TNS3: variants seen among roughly 807,000 people sequenced by gnomAD.
The protein encoded by TNS3 is tensin-3.
A neutral mutation model predicts 140.9 loss-of-function variants in TNS3; 45 were observed. That is an observed-to-expected ratio of 0.32 (90% CI 0.25 to 0.41). TNS3 has a LOEUF of 0.41. Ranked by LOEUF, TNS3 falls within the 10% of genes least tolerant of loss-of-function variation. The probability of loss-of-function intolerance (pLI) is 1.00; values close to 1 mark genes in which losing one functional copy is unlikely to be tolerated. For synonymous variants in TNS3, 815 were observed against 788.4 expected (o/e 1.03, Z -0.56); for missense variants, 1,716 against 1,906.7 (o/e 0.90, Z 1.86).
At chr7:47,281,638 A>C (rs1351260560) in intron 28 of TNS3, among the ~76,000 whole-genome samples, 1 of 152,190 alleles carries the variant, frequency 6.6e-6, no homozygotes, top group Non-Finnish European at 1.5e-5. Context: ...TCTGAACTCA[A>C]ACGCTATCTC....
At chr7:47,442,431 A>C (rs1407495171) in intron 4 of TNS3, among the ~76,000 whole-genome samples, 3 of 152,212 alleles carry the variant, frequency 2.0e-5, no homozygotes. Flanking sequence ...GAAAGAACCA[A>C]TTAATGAGTG....
At chr7:47,521,327 C>T (rs903805026) in intron 2 of TNS3, among the ~76,000 whole-genome samples, 2 of 152,204 alleles carry the variant, frequency 1.3e-5, no homozygotes, top group African/African-American at 4.8e-5. Context: ...CCGAGCCCTT[C>T]GAAGCCTTGG....
chr7:47,515,765 C>T (rs868303765), intron 2 of TNS3, among the ~76,000 whole-genome samples: 11 of 152,202 alleles, frequency 7.2e-5, no homozygotes, highest in African/African-American at 1.4e-4. Flanking sequence ...ACATCATTAT[C>T]GGCATACCAT....
At chr7:47,435,225 C>T (rs1795119387) in intron 8 of TNS3, 57 bp downstream of exon 8, 1 of 1,605,278 alleles carries the variant, frequency 6.2e-7, no homozygotes, top group South Asian at 1.1e-5. Flanking sequence ...GTCTCCATCT[C>T]AACTCCAAAG....
chr7:47,339,942 G>A (rs1428313219), intron 20 of TNS3, among the ~76,000 whole-genome samples: 1 of 121,174 alleles, frequency 8.3e-6, no homozygotes, highest in Non-Finnish European at 1.7e-5. Flanking sequence ...ATTTTTTTGA[G>A]CTATTATAAG....
chr7:47,439,405 C>G, intron 6 of TNS3, 82 bp downstream of exon 6: 1 of 1,478,848 alleles, frequency 6.8e-7, no homozygotes, highest in Non-Finnish European at 9.2e-7. Flanking sequence ...CATGTGTAAA[C>G]CAGTGTTCTG....
At chr7:47,329,861 C>T (rs1225282464) in intron 20 of TNS3, among the ~76,000 whole-genome samples, 1 of 152,080 alleles carries the variant, frequency 6.6e-6, no homozygotes, top group South Asian at 2.1e-4. Context: ...TGACTCGGAG[C>T]AAACCCACAG....
At chr7:47,416,113 G>A (rs1794068438) in intron 10 of TNS3, among the ~76,000 whole-genome samples, 1 of 152,236 alleles carries the variant, frequency 6.6e-6, no homozygotes, top group South Asian at 2.1e-4. Context: ...CATGGAATCT[G>A]TGTTTCCATA....
At chr7:47,382,914 C>T (rs1207195666) in intron 16 of TNS3, among the ~76,000 whole-genome samples, 1 of 152,050 alleles carries the variant, frequency 6.6e-6, no homozygotes. Context: ...TTGAGTTTCC[C>T]GAATATCTCT....
At chr7:47,400,577 C>A in intron 14 of TNS3, 119 bp from the exon 15 acceptor site, 2 of 1,245,832 alleles carry the variant, frequency 1.6e-6, no homozygotes, top group Non-Finnish European at 1.1e-6. Flanking sequence ...AATAAAGACA[C>A]CCCATGATAC....
At chr7:47,306,628 G>A (rs1004796823) in intron 20 of TNS3, among the ~76,000 whole-genome samples, 14 of 151,862 alleles carry the variant, frequency 9.2e-5, no homozygotes, top group South Asian at 6.2e-4. Context: ...AGACTGGAGT[G>A]CAGTGGCGTG....
At chr7:47,532,580 G>A (rs1799448449) in intron 1 of TNS3, among the ~76,000 whole-genome samples, 2 of 152,152 alleles carry the variant, frequency 1.3e-5, no homozygotes, top group South Asian at 2.1e-4. Context: ...GGGATGACCT[G>A]CCTACAGAGA....
chr7:47,395,555 C>G (rs1373333121), intron 16 of TNS3, among the ~76,000 whole-genome samples: 3 of 152,192 alleles, frequency 2.0e-5, no homozygotes, highest in Non-Finnish European at 2.9e-5. Context: ...CTTTAAGATT[C>G]CAGTGTGCAC....
At chr7:47,372,021 G>A (rs1034602050) in intron 16 of TNS3, among the ~76,000 whole-genome samples, 1 of 152,228 alleles carries the variant, frequency 6.6e-6, no homozygotes, top group Non-Finnish European at 1.5e-5. Flanking sequence ...ATTTAATTTG[G>A]TTTCTGTTTA....
At position 47,403,333 on chromosome 7, in the gene TNS3, C is replaced by T. The variant is rs190081925; in HGVS notation, c.724-2419G>A. ...CAGAGTGGCAGGAGATGGGAATCGG[C>T]CTGTCCCAAACAGGTTCCTCTCCAG... On this transcript the variant is annotated intron_variant, in intron 13 of 30. Coordinates refer to ENST00000311160, the MANE Select transcript of TNS3 (RefSeq NM_022748.12). The T allele has an allele frequency of 3.9e-5, 6 of 152,372 alleles. No individual in the cohort carries two copies. In the East Asian group the frequency reaches 9.6e-4, roughly 24 times the overall value. 9.4% of individuals were successfully genotyped at this position (152,372 alleles called of 1,614,324 possible).
chr7:47,330,019 G>T (rs1291306427), intron 20 of TNS3, among the ~76,000 whole-genome samples: 2 of 152,162 alleles, frequency 1.3e-5, no homozygotes, highest in Non-Finnish European at 2.9e-5. Flanking sequence ...TTTCTCCTCA[G>T]CTGCAGTGCC....
At chr7:47,381,661 A>T (rs1791768925) in intron 16 of TNS3, among the ~76,000 whole-genome samples, 1 of 152,168 alleles carries the variant, frequency 6.6e-6, no homozygotes, top group African/African-American at 2.4e-5. Context: ...AAATCTTTTA[A>T]ATCACCCGAG....
chr7:47,280,238 G>C (rs766712723), intron 29 of TNS3, 48 bp from the exon 30 acceptor site: 35 of 1,613,850 alleles, frequency 2.2e-5, no homozygotes, highest in Non-Finnish European at 2.9e-5. Flanking sequence ...TAAACTAAAG[G>C]ATAGAATTAA....
At chr7:47,410,809 T>A (rs919378576) in intron 13 of TNS3, among the ~76,000 whole-genome samples, 2 of 152,252 alleles carry the variant, frequency 1.3e-5, no homozygotes, top group African/African-American at 4.8e-5. Context: ...CTATGCATGC[T>A]GAAAGTCATA....
Sources: gnomAD v4.1 joint callset for allele counts (sites outside exome capture counted in the v4.1 genomes callset) on GRCh38, gnomAD v4.1.1 for gene constraint, MANE v1.5 for transcripts, NCBI Gene and HGNC (gene_info 2026-07-23, HGNC 2026-07-21) for gene names.